PDE4D: variants seen among roughly 807,000 people sequenced by gnomAD.
PDE4D encodes phosphodiesterase 4D.
Under a neutral mutation model 87.4 loss-of-function variants are expected in PDE4D, and 24 were observed. The ratio of observed to expected loss-of-function variants is 0.27; its 90% CI spans 0.20 to 0.39. The LOEUF is 0.39. Among genes scored for constraint, PDE4D ranks in the 10% least tolerant of loss-of-function variants. The pLI is 1.00. For synonymous variants in PDE4D, 384 were observed against 383.2 expected, an observed-to-expected ratio of 1.00 and a Z score of -0.02; for missense variants, 714 against 1,041.0, an observed-to-expected ratio of 0.69 and a Z score of 4.32.
intron 1 of PDE4D, among the ~76,000 whole-genome samples, chr5:60,519,837 G>A (rs1375523379): frequency 6.6e-6 from 1 of 151,992 alleles, no homozygotes; most frequent in Non-Finnish European, 1.5e-5. Context: ...AAAATAGCTG[G>A]GAAATAATTA....
At chr5:60,410,247 T>C (rs144702143) in intron 1 of PDE4D, among the ~76,000 whole-genome samples, 167 of 152,266 alleles carry the variant, frequency 1.1e-3, no homozygotes, top group African/African-American at 3.8e-3. Context: ...CCAGAGGCAT[T>C]GGTCTCTGTT....
chr5:60,000,996 A>T (rs183317616), intron 2 of PDE4D, among the ~76,000 whole-genome samples: 4 of 152,166 alleles, frequency 2.6e-5, no homozygotes, highest in Admixed American at 2.0e-4. Flanking sequence ...TCCCACTTAG[A>T]CTTGGCCCAA....
At chr5:59,174,519 T>C (rs973748878) in intron 5 of PDE4D, 4 of 152,638 alleles carry the variant, frequency 2.6e-5, no homozygotes, top group African/African-American at 9.6e-5. Context: ...AGAAGTCTTT[T>C]GCTTTAGGGT....
At chr5:59,309,062 C>T (rs998407027) in intron 1 of PDE4D, among the ~76,000 whole-genome samples, 10 of 152,124 alleles carry the variant, frequency 6.6e-5, no homozygotes, top group African/African-American at 2.2e-4. Flanking sequence ...TCTGCTTCCA[C>T]GCAAACCCAA....
At position 58,975,911 on chromosome 5, in the gene PDE4D, A is replaced by G; in HGVS notation, c.1831-72T>C. ...TAAAAAAAAAAACAAAAAAAACTAG[A>G]AATTCACATTGGATGACTGCAACAC... On this transcript the variant is annotated intron_variant, in intron 13 of 14. Coordinates refer to ENST00000340635, the MANE Select transcript of PDE4D (RefSeq NM_001104631.2). This position sits in a 1 kb window ranked among gnomAD's most constrained non-coding sequence, Gnocchi z 4.2. 8.8e-7 allele frequency: 1 copy of G among 1,140,014 alleles called. No individual in the cohort carries two copies. The allele number at this position is 1,140,014 out of a possible 1,614,324, so 70.6% of individuals were successfully genotyped here.
At chr5:60,069,996 T>C (rs778622123) in intron 2 of PDE4D, among the ~76,000 whole-genome samples, 57 of 152,136 alleles carry the variant, frequency 3.7e-4, no homozygotes, top group Middle Eastern at 3.2e-3. Flanking sequence ...TGTTAGTGTA[T>C]AGAAATGCAA....
At chr5:59,972,527 C>CT (rs1244887583) in intron 3 of PDE4D, among the ~76,000 whole-genome samples, 1 of 152,246 alleles carries the variant, frequency 6.6e-6, no homozygotes, top group Non-Finnish European at 1.5e-5. Flanking sequence ...AACCAAAATA[C>CT]TTTTCTGTCC....
In PDE4D at chr5:60,393,185, G is replaced by A. The variant is rs537175341; in HGVS notation, c.-90+94757C>T. Among the ~76,000 whole-genome samples the A allele has an allele frequency of 1.1e-4, 16 of 152,252 alleles. No homozygotes were observed. In the South Asian group the frequency reaches 3.1e-3, roughly 30 times the overall value. ...TACCAATTCCACAACCTGCTTTTGT[G>A]AGCCTCAAGACACAACCAACTTAAA... On this transcript the variant is annotated intron_variant, in intron 1 of 16. Transcript: ENST00000502484.
At chr5:60,478,881 T>A (rs1399112393) in intron 1 of PDE4D, among the ~76,000 whole-genome samples, 3 of 152,186 alleles carry the variant, frequency 2.0e-5, no homozygotes, top group African/African-American at 7.2e-5. Flanking sequence ...CATCTTTGTA[T>A]GAGGAGAAAG....
intron 3 of PDE4D, among the ~76,000 whole-genome samples, chr5:59,937,579 C>CT (rs2152795140): frequency 6.6e-6 from 1 of 152,304 alleles, no homozygotes; most frequent in Non-Finnish European, 1.5e-5. Flanking sequence ...AGGACTTTCC[C>CT]TGGTGCAGGC....
chr5:59,710,279 C>A (rs941163975), intron 1 of PDE4D, among the ~76,000 whole-genome samples: 1 of 152,024 alleles, frequency 6.6e-6, no homozygotes, highest in African/African-American at 2.4e-5. Flanking sequence ...ACAGGAAGGG[C>A]CTGTACTTAG....
chr5:59,054,230 C>T (rs1180537122), intron 5 of PDE4D, among the ~76,000 whole-genome samples: 1 of 152,132 alleles, frequency 6.6e-6, no homozygotes, highest in African/African-American at 2.4e-5. Context: ...TGATGACCAC[C>T]GTCTTCTTCT....
intron 1 of PDE4D, among the ~76,000 whole-genome samples, chr5:59,433,922 C>G (rs1052168825): frequency 6.6e-5 from 10 of 152,026 alleles, no homozygotes; most frequent in Non-Finnish European, 1.5e-4. Flanking sequence ...CTTCTAATAA[C>G]TGGAATAATA....
chr5:59,038,936 C>G lies in PDE4D; in HGVS notation c.844G>C (p.Glu282Gln). 3 of 1,602,000 alleles carry G rather than the reference C, an allele frequency of 1.9e-6. No individual in the cohort carries two copies. Among genetic ancestry groups the G allele is most frequent in the Non-Finnish European group, 2.6e-6 (3 of 1,173,944 alleles). ...TGGTCCAGACACCAGTCCAGCTCCTCCAGGGTCTCGCTGGCCAGTTTCTGG... is the reference window on the plus strand; with the variant it reads ...TGGTCCAGACACCAGTCCAGCTCCTGCAGGGTCTCGCTGGCCAGTTTCTGG... The part of the protein sequence containing the change: ...AYQKLASETL[E>Q]ELDWCLDQLE... Residue 282 changes from glutamate (E) to glutamine (Q), a missense_variant, in exon 6 of 15, where the codon GAG (glutamate) becomes CAG (glutamine). Glu to Gln is a conservative substitution (Grantham distance 29). Around this residue, in one of 7 missense-constraint regions of PDE4D, gnomAD observed 90 missense variants for 177.6 expected, o/e 0.51. Transcript: ENST00000340635.
intron 1 of PDE4D, among the ~76,000 whole-genome samples, chr5:60,221,810 A>G (rs1744527756): frequency 6.6e-6 from 1 of 152,084 alleles, no homozygotes; most frequent in Non-Finnish European, 1.5e-5. Context: ...GGCATTTCCA[A>G]TGTGTGAATA....
intron 1 of PDE4D, among the ~76,000 whole-genome samples, chr5:59,793,300 G>A (rs948102945): frequency 6.6e-5 from 10 of 152,196 alleles, no homozygotes; most frequent in African/African-American, 1.7e-4. Context: ...GTGCCTTAAG[G>A]GAAGCTTGCA....
chr5:60,225,191 C>T lies in PDE4D; in HGVS notation c.-89-39504G>A, dbSNP rs144081983. On this transcript the variant is annotated intron_variant, in intron 1 of 16. Transcript: ENST00000502484. Reference sequence around the variant, plus strand: ...ACATCTGCATTTACTTCATTTTCATCTTCCCTAGTTCCTTTGTTCTACCCA... The same window carrying T: ...ACATCTGCATTTACTTCATTTTCATTTTCCCTAGTTCCTTTGTTCTACCCA... Among the ~76,000 whole-genome samples the T allele has an allele frequency of 3.1e-3, 475 of 152,156 alleles. 5 individuals carry two copies. The highest frequency in any genetic ancestry group is 0.025 in the East Asian group (131 of 5,156).
intron 1 of PDE4D, among the ~76,000 whole-genome samples, chr5:59,287,264 A>T (rs1264098403): frequency 1.3e-5 from 2 of 152,166 alleles, no homozygotes; most frequent in Admixed American, 6.6e-5. Flanking sequence ...GAACATCAGC[A>T]GTAGCCAGAC....
intron 1 of PDE4D, among the ~76,000 whole-genome samples, chr5:60,493,820 A>G (rs544240128): frequency 1.3e-5 from 2 of 152,220 alleles, no homozygotes; most frequent in African/African-American, 4.8e-5. Context: ...TTCCTTCACT[A>G]GAAACCCCTT....
Sources: allele counts gnomAD v4.1 joint callset (sites outside exome capture counted in the v4.1 genomes callset), GRCh38; gene constraint gnomAD v4.1.1; regional missense constraint gnomAD v4.1.1; non-coding constraint Gnocchi (gnomAD v3.1); transcripts MANE v1.5; gene names NCBI Gene and HGNC (gene_info 2026-07-23, HGNC 2026-07-21).